The following FRY variants were observed in gnomAD, a reference collection of about 807,000 sequenced individuals.
The protein encoded by FRY is protein furry homolog.
Under a neutral mutation model 348.4 loss-of-function variants are expected in FRY, and 128 were observed. That is an observed-to-expected ratio of 0.37 (90% CI 0.32 to 0.43). The LOEUF is 0.43. Among genes scored for constraint, FRY ranks in the 20% least tolerant of loss-of-function variants. The pLI is 1.00. For synonymous variants in FRY, 1,370 were observed against 1,374.7 expected, an observed-to-expected ratio of 1.00 and a Z score of 0.08; for missense variants, 2,736 against 3,695.2, an observed-to-expected ratio of 0.74 and a Z score of 6.73.
At chr13:32,228,030 G>A (rs766858222) in intron 39 of FRY, among the ~76,000 whole-genome samples, 8 of 152,296 alleles carry the variant, frequency 5.3e-5, no homozygotes, top group Admixed American at 2.0e-4. Flanking sequence ...GATTACAGGC[G>A]TGAGCCACCG....
chr13:32,147,935 G>A lies in FRY; in HGVS notation c.1380G>A (p.Gln460=). 1 of 1,581,522 alleles carries A rather than the reference G, an allele frequency of 6.3e-7. No individual in the cohort carries two copies. The highest frequency in any genetic ancestry group is 8.7e-7 in the Non-Finnish European group (1 of 1,150,234). ...TGAACATCTTTGTGAAAATCATCCA[G>A]TTCATTGCCCAGGTAATGGAGAAGA... ...MPLNIFVKII[Q]FIAQERLDFA... Residue 460 remains glutamine (Q), a synonymous_variant, in exon 13 of 61, where the codon CAG becomes CAA. Transcript: ENST00000542859.
Position 32,294,518 on chromosome 13 carries a change from T to C in FRY, c.8731T>C (p.Cys2911Arg), listed in dbSNP as rs746764041. 1.2e-6 allele frequency: 2 copies of C among 1,614,034 alleles called. No individual in the cohort carries two copies. The highest frequency in any genetic ancestry group is 2.2e-5 in the East Asian group (1 of 44,876). Residue 2911 changes from cysteine (C) to arginine (R), a missense_variant, in exon 60 of 61, where the codon TGC becomes CGC. Physicochemically the swap from Cys to Arg is radical, Grantham distance 180. Coordinates refer to ENST00000542859, the MANE Select transcript of FRY (RefSeq NM_023037.3). ...AGCAGCCATCCAGTCCATGCTGGAG[T>C]GCCTGAAGAACAACGAACTCGGCAA... ...TEAAIQSMLE[C>R]LKNNELGKAL...
chr13:32,166,128 C>A (rs1254508664), intron 17 of FRY, among the ~76,000 whole-genome samples: 1 of 152,206 alleles, frequency 6.6e-6, no homozygotes, highest in East Asian at 1.9e-4. Context: ...CTGGTATTGG[C>A]AACACTGGTT....
rs1473433457 is a variant in FRY at position 32,134,934 on chromosome 13, G to C, written c.916G>C (p.Asp306His). Residue 306 changes from aspartate to histidine, a missense_variant, in exon 9 of 61, where the codon GAC (aspartate) becomes CAC (histidine). By Grantham distance (81) the Asp-to-His change is moderately conservative. Around this residue, in one of 9 missense-constraint regions of FRY, gnomAD observed 309 missense variants for 418.1 expected, o/e 0.74. Coordinates refer to ENST00000542859, the MANE Select transcript of FRY (RefSeq NM_023037.3). ...TGCACATTACTTCCTCGAGGTCAAA[G>C]ACAAAGATATCAAGCATGCCTTGGC... ...ECAHYFLEVKDKDIKHALAGL... is the reference protein window; with the variant it reads ...ECAHYFLEVKHKDIKHALAGL... 1 of 1,612,804 alleles carries C rather than the reference G, an allele frequency of 6.2e-7. No homozygotes were observed. The highest frequency in any genetic ancestry group is 1.7e-5 in the Admixed American group (1 of 60,016).
Position 32,127,733 on chromosome 13 carries a change from C to T in FRY, c.716+2858C>T, listed in dbSNP as rs534683454. Among the ~76,000 whole-genome samples, 533 of 151,956 alleles carry T rather than the reference C, an allele frequency of 3.5e-3. 2 individuals are homozygous for T. The highest frequency in any genetic ancestry group is 0.012 in the African/African-American group (510 of 41,430). ...GGCGGAGGTTGTAGTGAGCCGAGAT[C>T]GTGCCACTACACTCCAGCCTGGGTG... On this transcript the variant is annotated intron_variant, in intron 7 of 60. Transcript: ENST00000542859.
At chr13:32,210,841 C>T (rs1259062376) in intron 33 of FRY, 25 bp from the exon 34 acceptor site, 1 of 1,606,862 alleles carries the variant, frequency 6.2e-7, no homozygotes, top group African/African-American at 1.3e-5. Flanking sequence ...GTGAAACATC[C>T]CTTGTTTTCT....
In FRY at chr13:32,147,824, C is replaced by T. The variant is rs1329918394; in HGVS notation, c.1284-15C>T. The T allele has an allele frequency of 6.8e-6, 10 of 1,462,012 alleles. No individual in the cohort carries two copies. In the African/African-American group the frequency reaches 1.4e-4, roughly 20 times the overall value. 90.6% of individuals were successfully genotyped at this position (1,462,012 alleles called of 1,614,324 possible). The stretch of plus-strand genomic sequence containing the variant: ...CCAATCTTGCTTGTTTTCTCTTTTC[C>T]CCCTTATCTTTCAGCCGACTTATAA... On this transcript the variant is annotated splice_polypyrimidine_tract_variant and intron_variant, in intron 12 of 60. Coordinates refer to ENST00000542859, the MANE Select transcript of FRY (RefSeq NM_023037.3).
In FRY at chr13:32,136,039, TA is replaced by T. The variant is rs138896602; in HGVS notation, c.1078-823del. ...AAGTCCCTTTAAAACTAAGTTAATT[TA>T]AAAAAAAACGACTAATGAACTGTTA... On this transcript the variant is annotated intron_variant, in intron 10 of 60. Coordinates refer to ENST00000542859, the MANE Select transcript of FRY (RefSeq NM_023037.3). 7.1e-3 allele frequency among the ~76,000 whole-genome samples: 1,074 copies of T among 151,154 alleles called. 7 individuals are homozygous for T. The highest frequency in any genetic ancestry group is 0.013 in the Non-Finnish European group (853 of 67,744).
intron 35 of FRY, among the ~76,000 whole-genome samples, chr13:32,217,994 C>A (rs1593756324): frequency 6.6e-6 from 1 of 152,240 alleles, no homozygotes; most frequent in Non-Finnish European, 1.5e-5. Flanking sequence ...TTAAGAGAAA[C>A]TTTAATTCTG....
chr13:32,210,984 C>A lies in FRY; in HGVS notation c.4541C>A (p.Pro1514Gln). 6.2e-7 allele frequency: 1 copy of A among 1,614,004 alleles called. No individual in the cohort carries two copies. The highest frequency in any genetic ancestry group is 8.5e-7 in the Non-Finnish European group (1 of 1,179,866). ...CCCATCGTCCAGCATTGTGACAACCCGCCCTTCTACCGCTTCACGGCCAGT... is the reference window on the plus strand; with the variant it reads ...CCCATCGTCCAGCATTGTGACAACCAGCCCTTCTACCGCTTCACGGCCAGT... ...VNPIVQHCDN[P>Q]PFYRFTASSK... The change falls in exon 34 of 61, where the codon CCG becomes CAG. Residue 1514 changes from proline to glutamine, a missense_variant. Coordinates refer to ENST00000542859, the MANE Select transcript of FRY (RefSeq NM_023037.3).
chr13:32,283,802 G>A lies in FRY; in HGVS notation c.8469+5254G>A, dbSNP rs184558192. Among the ~76,000 whole-genome samples the A allele has an allele frequency of 7.9e-5, 12 of 152,172 alleles. 1 individual carries two copies. The highest frequency in any genetic ancestry group is 4.2e-4 in the South Asian group (2 of 4,818). ...TCATAAGAACACTTTACTCATTTGC[G>A]GACACTGCTTTAGTAGTGTTTTCTC... On this transcript the variant is annotated intron_variant, in intron 58 of 60. Transcript: ENST00000542859.
chr13:32,091,934 C>T (rs1171534981), intron 2 of FRY, among the ~76,000 whole-genome samples: 1 of 152,178 alleles, frequency 6.6e-6, no homozygotes, highest in East Asian at 1.9e-4. Context: ...ACTGCTACAT[C>T]CACTGTTGTA....
intron 9 of FRY, 27 bp downstream of exon 9, chr13:32,135,023 C>A: frequency 6.4e-7 from 1 of 1,561,120 alleles, no homozygotes; most frequent in Non-Finnish European, 8.8e-7. Context: ...AAAACTCCTT[C>A]AAATTGTATC....
chr13:32,227,307 G>A (rs983147241), intron 39 of FRY, among the ~76,000 whole-genome samples: 13 of 152,274 alleles, frequency 8.5e-5, no homozygotes, highest in African/African-American at 2.9e-4. Context: ...CTAAAAATGT[G>A]TGTGACAGAA....
rs183009309 is a variant in FRY, at chr13:32,138,254, A to G, written c.1179+1282A>G. ...TGTTAGTTCATTAAATTTTTTTTCT[A>G]TTACATTTTACACAGATAGGAAATA... On this transcript the variant is annotated intron_variant, in intron 11 of 60. Transcript: ENST00000542859. Among the ~76,000 whole-genome samples the G allele has an allele frequency of 3.5e-3, 529 of 151,490 alleles. 9 individuals are homozygous for G. Among genetic ancestry groups the G allele is most frequent in the African/African-American group, 0.012 (505 of 41,304 alleles).
chr13:32,203,811 C>T (rs938312698), intron 31 of FRY, among the ~76,000 whole-genome samples: 24 of 152,180 alleles, frequency 1.6e-4, no homozygotes, highest in African/African-American at 5.8e-4. Context: ...TGAATTCATC[C>T]TGTTTTTCCA....
intron 11 of FRY, among the ~76,000 whole-genome samples, chr13:32,139,469 C>T (rs1879923007): frequency 6.6e-6 from 1 of 152,138 alleles, no homozygotes; most frequent in African/African-American, 2.4e-5. Flanking sequence ...CATCAAGGGG[C>T]AGTGTGGCAG....
chr13:32,292,560 A>G (rs373191934), intron 59 of FRY, among the ~76,000 whole-genome samples: 2 of 152,028 alleles, frequency 1.3e-5, no homozygotes, highest in South Asian at 2.1e-4. Context: ...TTGGGAGGCC[A>G]AGGTGGGCAG....
chr13:32,179,665 C>T lies in FRY; in HGVS notation c.2872-10C>T, dbSNP rs1882583950. 1 of 1,613,822 alleles carries T rather than the reference C, an allele frequency of 6.2e-7. No individual in the cohort carries two copies. Among genetic ancestry groups the T allele is most frequent in the African/African-American group, 1.3e-5 (1 of 74,908 alleles). ...TTACCTCTTTTTCACTTGTATTCAACTTATTTCAGGCCATAGGCACCCCAT... is the reference window on the plus strand; with the variant it reads ...TTACCTCTTTTTCACTTGTATTCAATTTATTTCAGGCCATAGGCACCCCAT... On this transcript the variant is annotated splice_polypyrimidine_tract_variant and intron_variant, in intron 22 of 60. Coordinates refer to ENST00000542859, the MANE Select transcript of FRY (RefSeq NM_023037.3).
Sources: allele counts gnomAD v4.1 joint callset (sites outside exome capture counted in the v4.1 genomes callset), GRCh38; gene constraint gnomAD v4.1.1; regional missense constraint gnomAD v4.1.1; transcripts MANE v1.5; gene names NCBI Gene and HGNC (gene_info 2026-07-23, HGNC 2026-07-21).